HAPLN1: variants seen among roughly 807,000 people sequenced by gnomAD.
HAPLN1 encodes the protein Cartilage link protein.
In HAPLN1, 13 loss-of-function variants were observed where a neutral mutation model predicts 36.5. The observed-to-expected ratio is 0.36, with a 90% CI of 0.23 to 0.57. HAPLN1 has a LOEUF of 0.57. Among genes scored for constraint, HAPLN1 ranks in the 20% least tolerant of loss-of-function variants. HAPLN1 has a pLI of 0.83. For missense variants in HAPLN1, 407 were observed against 439.7 expected, an observed-to-expected ratio of 0.93 and a Z score of 0.66; for synonymous variants, 202 against 169.8, an observed-to-expected ratio of 1.19 and a Z score of -1.48.
At chr5:83,666,451 A>C (rs1750553084) in intron 2 of HAPLN1, among the ~76,000 whole-genome samples, 1 of 152,162 alleles carries the variant, frequency 6.6e-6, no homozygotes. Context: ...ACAAAGGATA[A>C]AACAGAGAAA....
chr5:83,658,549 C>G (rs938217246), intron 2 of HAPLN1, among the ~76,000 whole-genome samples: 3 of 152,176 alleles, frequency 2.0e-5, no homozygotes, highest in African/African-American at 7.2e-5. Context: ...AAACATTTGT[C>G]TCTCGTACTT....
chr5:83,667,671 A>G (rs1750591483), intron 2 of HAPLN1, among the ~76,000 whole-genome samples: 1 of 152,164 alleles, frequency 6.6e-6, no homozygotes, highest in Non-Finnish European at 1.5e-5. Flanking sequence ...AGTAACATGT[A>G]TCCAGTTCTC....
chr5:83,698,618 G>A (rs1435757445), intron 1 of HAPLN1, among the ~76,000 whole-genome samples: 2 of 152,112 alleles, frequency 1.3e-5, no homozygotes, highest in Admixed American at 1.3e-4. Context: ...ATAAATAGCT[G>A]CCAATTGTTC....
chr5:83,684,924 C>A (rs1311787113), intron 1 of HAPLN1, among the ~76,000 whole-genome samples: 1 of 152,092 alleles, frequency 6.6e-6, no homozygotes, highest in Non-Finnish European at 1.5e-5. Flanking sequence ...AGGGAAGATG[C>A]ATGTAGAACA....
intron 1 of HAPLN1, among the ~76,000 whole-genome samples, chr5:83,704,728 A>G (rs1403796781): frequency 1.3e-5 from 2 of 152,228 alleles, no homozygotes; most frequent in African/African-American, 4.8e-5. Context: ...ATATGCACCC[A>G]ACATAGGAGC....
rs2112567252 is a variant in HAPLN1 at position 83,652,701 on chromosome 5, T to C, written c.224A>G (p.His75Arg). The C allele has an allele frequency of 6.2e-7, 1 of 1,614,204 alleles. No individual in the cohort carries two copies. Among genetic ancestry groups the C allele is most frequent in the Non-Finnish European group, 8.5e-7 (1 of 1,180,012 alleles). ...RDPTAFGSGI[H>R]KIRIKWTKLT... Reference sequence around the variant, plus strand: ...CTTGGTCCACTTAATTCGGATTTTATGGATTCCTGAGCCAAATGCTGTAGG... The same window carrying C: ...CTTGGTCCACTTAATTCGGATTTTACGGATTCCTGAGCCAAATGCTGTAGG... The change falls in exon 3 of 5, where the codon CAT becomes CGT. Residue 75 changes from histidine to arginine, a missense_variant. By Grantham distance (29) the His-to-Arg change is conservative (BLOSUM62 0). Transcript: ENST00000274341.
rs771826684 is a variant in HAPLN1 at position 83,644,637 on chromosome 5, C to T, written c.501G>A (p.Leu167=). The part of the protein sequence containing the change: ...QGVVFPYFPR[L]GRYNLNFHEA... ...CGTGAAAATTGAGATTGTAGCGCCC[C>T]AGTCGTGGAAAGTAAGGGAATACCA... Residue 167 remains leucine, a synonymous_variant, in exon 4 of 5, where the codon CTG becomes CTA. Coordinates refer to ENST00000274341, the MANE Select transcript of HAPLN1 (RefSeq NM_001884.4). 6.7e-7 allele frequency: 1 copy of T among 1,487,228 alleles called. No homozygotes were observed. Among genetic ancestry groups the T allele is most frequent in the Non-Finnish European group, 9.0e-7 (1 of 1,115,290 alleles). The allele number at this position is 1,487,228 out of a possible 1,614,324, so 92.1% of individuals were successfully genotyped here. A position where few individuals can be genotyped will look rare whatever the true frequency, so the allele number is the denominator to read the frequency against.
At chr5:83,695,618 A>G (rs1580156913) in intron 1 of HAPLN1, among the ~76,000 whole-genome samples, 1 of 133,788 alleles carries the variant, frequency 7.5e-6, no homozygotes, top group Non-Finnish European at 1.7e-5. Context: ...ATCTATAGAT[A>G]TATATCTATA....
rs78259722 is a variant in HAPLN1 at position 83,640,490 on chromosome 5, A to G, written c.*1006T>C. On this transcript the variant is annotated 3_prime_UTR_variant, in exon 5 of 5. Coordinates refer to ENST00000274341, the MANE Select transcript of HAPLN1 (RefSeq NM_001884.4). ...GAATAATAAGAATTTTGAAAGTTGC[A>G]TCTTTGTTTCTGCATTAGGGATTCC... is the stretch of plus-strand genomic sequence containing the variant. 1 of 152,080 alleles carries G rather than the reference A, an allele frequency of 6.6e-6. No individual in the cohort carries two copies. The allele number at this position is 152,080 out of a possible 1,614,324, so 9.4% of individuals were successfully genotyped here. A position where few individuals can be genotyped will look rare whatever the true frequency, so the allele number is the denominator to read the frequency against.
intron 1 of HAPLN1, among the ~76,000 whole-genome samples, chr5:83,687,319 C>T (rs1751153870): frequency 6.6e-6 from 1 of 152,186 alleles, no homozygotes; most frequent in South Asian, 2.1e-4. Context: ...CTCTTGACCA[C>T]AATTTGCATT....
At chr5:83,656,327 C>CAAAAAAAAAAAAAAAAAAAAA (rs35902132) in intron 2 of HAPLN1, among the ~76,000 whole-genome samples, 3 of 59,804 alleles carry the variant, frequency 5.0e-5, no homozygotes, top group Non-Finnish European at 5.8e-5. Flanking sequence ...GACTACGTCT[C>CAAAAAAAAAAAAAAAAAAAAA]AAAAAAAAAA....
chr5:83,688,979 T>C (rs1287283897), intron 1 of HAPLN1, among the ~76,000 whole-genome samples: 1 of 152,172 alleles, frequency 6.6e-6, no homozygotes, highest in Non-Finnish European at 1.5e-5. Flanking sequence ...ATGCTCCGTA[T>C]TGAGGCTTAA....
chr5:83,644,508 G>C lies in HAPLN1; in HGVS notation c.630C>G (p.Leu210=). 1 of 1,611,872 alleles carries C rather than the reference G, an allele frequency of 6.2e-7. No homozygotes were observed. The highest frequency in any genetic ancestry group is 2.2e-5 in the East Asian group (1 of 44,660). The change falls in exon 4 of 5, where the codon CTC becomes CTG. Residue 210 remains leucine, a synonymous_variant. Coordinates refer to ENST00000274341, the MANE Select transcript of HAPLN1 (RefSeq NM_001884.4). ...TGGGATATTGCACAGAGCCATCACTGAGCCAGCCGGCATTGCACCAGTCCA... is the reference window on the plus strand; with the variant it reads ...TGGGATATTGCACAGAGCCATCACTCAGCCAGCCGGCATTGCACCAGTCCA... ...GGLDWCNAGW[L]SDGSVQYPIT...
intron 1 of HAPLN1, among the ~76,000 whole-genome samples, chr5:83,702,529 T>C (rs1373902174): frequency 6.6e-6 from 1 of 152,146 alleles, no homozygotes; most frequent in Non-Finnish European, 1.5e-5. Flanking sequence ...ATAATCCCTC[T>C]AGGCTTGAAG....
intron 1 of HAPLN1, among the ~76,000 whole-genome samples, chr5:83,709,305 A>C (rs1330479516): frequency 6.6e-6 from 1 of 152,220 alleles, no homozygotes; most frequent in Non-Finnish European, 1.5e-5. Flanking sequence ...ATAAAAGGCA[A>C]AATGCTCTCC....
At chr5:83,700,640 T>C (rs1751486796) in intron 1 of HAPLN1, among the ~76,000 whole-genome samples, 1 of 148,092 alleles carries the variant, frequency 6.8e-6, no homozygotes, top group Non-Finnish European at 1.5e-5. Flanking sequence ...AAACTCTCCT[T>C]TCAAACTTTT....
intron 3 of HAPLN1, 43 bp from the exon 4 acceptor site, chr5:83,644,708 C>G: frequency 7.3e-7 from 1 of 1,363,120 alleles, no homozygotes; most frequent in Non-Finnish European, 9.6e-7. Flanking sequence ...AGCCCCAAAA[C>G]TAACAACTCT....
At chr5:83,657,173 G>C (rs1479136507) in intron 2 of HAPLN1, among the ~76,000 whole-genome samples, 1 of 151,476 alleles carries the variant, frequency 6.6e-6, no homozygotes, top group African/African-American at 2.4e-5. Context: ...TTGGCTCACT[G>C]CAACCACTGC....
chr5:83,676,186 G>A (rs569130970), intron 1 of HAPLN1, among the ~76,000 whole-genome samples: 97 of 96,276 alleles, frequency 1.0e-3, no homozygotes, highest in African/African-American at 4.4e-3. Context: ...ACAGAGATAC[G>A]CACACATATA....
Sources: gnomAD v4.1 joint callset for allele counts (sites outside exome capture counted in the v4.1 genomes callset) on GRCh38, gnomAD v4.1.1 for gene constraint, MANE v1.5 for transcripts, NCBI Gene and HGNC (gene_info 2026-07-23, HGNC 2026-07-21) for gene names.